Variants in GABRB2 observed in about 807,000 individuals in gnomAD.
GABRB2 encodes gamma-aminobutyric acid receptor subunit beta-2.
Under a neutral mutation model 54.7 loss-of-function variants are expected in GABRB2, and 16 were observed. That is an observed-to-expected ratio of 0.29 (90% confidence interval 0.20 to 0.44). GABRB2 has a LOEUF of 0.44. GABRB2 is among the 20% of genes least tolerant of loss of function. The pLI is 1.00. For synonymous variants in GABRB2, 244 were observed against 233.8 expected, an observed-to-expected ratio of 1.04 and a Z score of -0.40; for missense variants, 355 against 644.0, an observed-to-expected ratio of 0.55 and a Z score of 4.86.
chr5:161,539,615 C>T (rs1381250745), intron 3 of GABRB2, among the ~76,000 whole-genome samples: 1 of 152,042 alleles, frequency 6.6e-6, no homozygotes, highest in Non-Finnish European at 1.5e-5. Flanking sequence ...TATTGCCAAC[C>T]CAAGCACACT....
At chr5:161,382,729 A>C (rs1755506832) in intron 5 of GABRB2, among the ~76,000 whole-genome samples, 1 of 152,162 alleles carries the variant, frequency 6.6e-6, no homozygotes, top group African/African-American at 2.4e-5. Flanking sequence ...TCTGTCCCTT[A>C]CACATTATTG....
intron 8 of GABRB2, among the ~76,000 whole-genome samples, chr5:161,328,950 C>G (rs1301871738): frequency 6.6e-6 from 1 of 152,160 alleles, no homozygotes; most frequent in Non-Finnish European, 1.5e-5. Flanking sequence ...CATATTCCAT[C>G]ACTTGAATGG....
intron 5 of GABRB2, among the ~76,000 whole-genome samples, chr5:161,344,002 G>A (rs1042210675): frequency 6.6e-6 from 1 of 152,076 alleles, no homozygotes; most frequent in Non-Finnish European, 1.5e-5. Flanking sequence ...AAACTCCCAG[G>A]TGATGCTGAT....
At chr5:161,334,943 A>G (rs774838130) in intron 6 of GABRB2, 39 bp from the exon 7 acceptor site, 20 of 1,594,220 alleles carry the variant, frequency 1.3e-5, no homozygotes, top group Non-Finnish European at 1.5e-5. Flanking sequence ...TTATCAATCA[A>G]TATTTATAGG....
At chr5:161,431,481 A>G (rs892810708) in intron 4 of GABRB2, among the ~76,000 whole-genome samples, 7 of 152,208 alleles carry the variant, frequency 4.6e-5, no homozygotes, top group Non-Finnish European at 8.8e-5. Flanking sequence ...ACAACTTATA[A>G]CAGGTCAAAT....
chr5:161,426,216 T>C (rs1463861064), intron 4 of GABRB2, among the ~76,000 whole-genome samples: 1 of 152,142 alleles, frequency 6.6e-6, no homozygotes, highest in East Asian at 1.9e-4. Flanking sequence ...GCTGCTAATA[T>C]GCAAAAGGTC....
rs573147834 is a variant in GABRB2 at position 161,536,653 on chromosome 5, G to A, written c.237+8574C>T. 4.6e-5 allele frequency among the ~76,000 whole-genome samples: 7 copies of A among 152,308 alleles called. No homozygotes were observed. In the South Asian group the frequency reaches 1.5e-3, roughly 32 times the overall value. ...ACTCTGTCGCCCAGGCTGGAGTGCA[G>A]TGGCACGATCTCGGCTCACTACAAC... On this transcript the variant is annotated intron_variant, in intron 3 of 9. Transcript: ENST00000393959.
chr5:161,309,450 G>A (rs1334493448), intron 9 of GABRB2, among the ~76,000 whole-genome samples: 1 of 152,024 alleles, frequency 6.6e-6, no homozygotes, highest in Admixed American at 6.5e-5. Flanking sequence ...ACAGTGTGGC[G>A]ATTTCCCAGA....
chr5:161,348,329 T>C (rs1754378231), intron 5 of GABRB2, among the ~76,000 whole-genome samples: 1 of 152,058 alleles, frequency 6.6e-6, no homozygotes, highest in South Asian at 2.1e-4. Context: ...CTATATTTTC[T>C]AAAACAAAAG....
chr5:161,536,249 A>G (rs1760631154), intron 3 of GABRB2, among the ~76,000 whole-genome samples: 1 of 152,058 alleles, frequency 6.6e-6, no homozygotes, highest in Admixed American at 6.6e-5. Flanking sequence ...ACGAAAGTTC[A>G]GGAGGGGATG....
At chr5:161,353,256 C>T (rs552072105) in intron 5 of GABRB2, among the ~76,000 whole-genome samples, 1 of 151,964 alleles carries the variant, frequency 6.6e-6, no homozygotes, top group Non-Finnish European at 1.5e-5. Context: ...TGGAATTGGG[C>T]AGATCACTTA....
At chr5:161,521,527 A>G (rs1760115161) in intron 3 of GABRB2, among the ~76,000 whole-genome samples, 1 of 151,998 alleles carries the variant, frequency 6.6e-6, no homozygotes, top group Non-Finnish European at 1.5e-5. Flanking sequence ...GAAAGAAAGA[A>G]GAAACACAAA....
intron 5 of GABRB2, among the ~76,000 whole-genome samples, chr5:161,383,673 T>C (rs1755537542): frequency 6.6e-6 from 1 of 152,192 alleles, no homozygotes; most frequent in African/African-American, 2.4e-5. Flanking sequence ...GTTGAACATT[T>C]CCATCACTGC....
At chr5:161,305,056 C>T (rs1280610307) in intron 9 of GABRB2, among the ~76,000 whole-genome samples, 2 of 137,932 alleles carry the variant, frequency 1.4e-5, no homozygotes, top group Middle Eastern at 4.5e-3. Flanking sequence ...GTCGCCCAGG[C>T]CGGACTGCGG....
At chr5:161,327,346 A>G (rs1252328757) in intron 8 of GABRB2, among the ~76,000 whole-genome samples, 2 of 152,170 alleles carry the variant, frequency 1.3e-5, no homozygotes, top group African/African-American at 2.4e-5. Context: ...ACTAACATGG[A>G]ATTAGCTTTT....
intron 4 of GABRB2, among the ~76,000 whole-genome samples, chr5:161,413,534 T>C (rs1466147107): frequency 6.6e-6 from 1 of 152,194 alleles, no homozygotes; most frequent in African/African-American, 2.4e-5. Context: ...TTGGCTAAAT[T>C]TCTCACTGGT....
chr5:161,307,037 A>C (rs1459165480), intron 9 of GABRB2, among the ~76,000 whole-genome samples: 1 of 152,212 alleles, frequency 6.6e-6, no homozygotes, highest in Non-Finnish European at 1.5e-5. Flanking sequence ...CGCATGGTTG[A>C]TGCTAAATGA....
chr5:161,431,514 C>T (rs572940834), intron 4 of GABRB2, among the ~76,000 whole-genome samples: 1 of 152,148 alleles, frequency 6.6e-6, no homozygotes, highest in South Asian at 2.1e-4. Flanking sequence ...CTTCCTTTTA[C>T]ATAACTGGCA....
chr5:161,416,658 C>CT (rs1159226544), intron 4 of GABRB2, among the ~76,000 whole-genome samples: 2 of 130,230 alleles, frequency 1.5e-5, no homozygotes, highest in South Asian at 2.4e-4. Context: ...GATCGCGCCG[C>CT]TGCACTCCAG....
Sources: allele counts gnomAD v4.1 joint callset (sites outside exome capture counted in the v4.1 genomes callset), GRCh38; gene constraint gnomAD v4.1.1; transcripts MANE v1.5; gene names NCBI Gene and HGNC (gene_info 2026-07-23, HGNC 2026-07-21).